The following GABRG3 variants were observed in gnomAD, a reference collection of about 807,000 sequenced individuals.
GABRG3 encodes gamma-aminobutyric acid type A receptor subunit gamma3.
Under a neutral mutation model 48.8 loss-of-function variants are expected in GABRG3, and 25 were observed. The observed-to-expected ratio is 0.51, with a 90% CI of 0.37 to 0.72. The LOEUF (loss-of-function observed/expected upper bound fraction) is 0.72. Among genes scored for constraint, GABRG3 ranks in the 30% least tolerant of loss-of-function variants. The pLI, the probability that GABRG3 is intolerant of heterozygous loss-of-function variation, is 0.00. For missense variants in GABRG3, 394 were observed against 577.9 expected (o/e 0.68, Z 3.26); for synonymous variants, 227 against 217.6 (o/e 1.04, Z -0.38).
chr15:27,373,118 A>T (rs994565844), intron 5 of GABRG3, among the ~76,000 whole-genome samples: 1 of 152,210 alleles, frequency 6.6e-6, no homozygotes, highest in African/African-American at 2.4e-5. Flanking sequence ...CTAGCCTGGG[A>T]TTTAGGATGC....
chr15:27,269,690 A>G (rs547515456), intron 3 of GABRG3, among the ~76,000 whole-genome samples: 5 of 152,320 alleles, frequency 3.3e-5, no homozygotes, highest in Admixed American at 6.5e-5. Flanking sequence ...TAGTCCTGAC[A>G]TTAATAGGTG....
At chr15:27,181,136 G>T (rs72700113) in intron 3 of GABRG3, among the ~76,000 whole-genome samples, 7,311 of 152,200 alleles carry the variant, frequency 0.048, 231 homozygotes, top group East Asian at 0.096. Context: ...AGGCACCTGT[G>T]GGGAGGAGCA....
rs186295680 is a variant in GABRG3 at position 27,289,036 on chromosome 15, G to A, written c.271-37773G>A. Among the ~76,000 whole-genome samples, 91 of 152,278 alleles carry A rather than the reference G, an allele frequency of 6.0e-4. 1 individual carries two copies. Among genetic ancestry groups the A allele is most frequent in the Admixed American group, 5.6e-3 (85 of 15,296 alleles). On this transcript the variant is annotated intron_variant, in intron 3 of 9. Transcript: ENST00000615808. ...AACTTTGAGGTGAAATCAGTATTCA[G>A]TGAAATCATTACTCCTCTGTATATA...
At chr15:27,187,205 T>G (rs1888126184) in intron 3 of GABRG3, among the ~76,000 whole-genome samples, 1 of 152,194 alleles carries the variant, frequency 6.6e-6, no homozygotes, top group Admixed American at 6.5e-5. Flanking sequence ...TGCTTTTTAT[T>G]GTTGGCTTTG....
chr15:27,396,078 G>C (rs1185820371), intron 5 of GABRG3, among the ~76,000 whole-genome samples: 1 of 152,082 alleles, frequency 6.6e-6, no homozygotes, highest in Non-Finnish European at 1.5e-5. Context: ...GCCCAGGCTG[G>C]TCTCGAACCC....
At chr15:27,248,913 G>A (rs934027887) in intron 3 of GABRG3, among the ~76,000 whole-genome samples, 8 of 151,938 alleles carry the variant, frequency 5.3e-5, no homozygotes, top group Non-Finnish European at 7.4e-5. Flanking sequence ...CATGAACGGG[G>A]GATTCTTTTA....
chr15:27,221,023 A>G (rs937921746), intron 3 of GABRG3, among the ~76,000 whole-genome samples: 8 of 151,796 alleles, frequency 5.3e-5, no homozygotes, highest in Non-Finnish European at 8.8e-5. Context: ...CTTTTATTCA[A>G]TAAATATTAT....
intron 3 of GABRG3, among the ~76,000 whole-genome samples, chr15:27,233,144 C>T (rs1035744982): frequency 4.6e-5 from 7 of 152,150 alleles, no homozygotes; most frequent in African/African-American, 1.7e-4. Context: ...AGAGCCTTGG[C>T]TCACTGGGGA....
At chr15:27,283,374 C>T (rs796675729) in intron 3 of GABRG3, among the ~76,000 whole-genome samples, 12 of 152,214 alleles carry the variant, frequency 7.9e-5, no homozygotes, top group South Asian at 2.1e-4. Flanking sequence ...GAGGCCGAGG[C>T]GGGTGGATCA....
At chr15:27,383,979 C>T (rs550018321) in intron 5 of GABRG3, among the ~76,000 whole-genome samples, 10 of 152,212 alleles carry the variant, frequency 6.6e-5, no homozygotes, top group East Asian at 1.9e-4. Flanking sequence ...ACTGTTCTTC[C>T]GGATTTCTTT....
chr15:27,343,452 T>A (rs1049926376), intron 5 of GABRG3, among the ~76,000 whole-genome samples: 1 of 152,228 alleles, frequency 6.6e-6, no homozygotes, highest in Non-Finnish European at 1.5e-5. Context: ...AAGTTGCTAT[T>A]TCCATGCACC....
intron 3 of GABRG3, among the ~76,000 whole-genome samples, chr15:27,248,395 G>C (rs1355392350): frequency 1.3e-5 from 2 of 152,130 alleles, no homozygotes; most frequent in Non-Finnish European, 2.9e-5. Context: ...GTCTGCCTCT[G>C]TTGACCTCTG....
Position 27,047,316 on chromosome 15 carries a change from C to A in GABRG3, c.270+20495C>A, listed in dbSNP as rs545101400. Among the ~76,000 whole-genome samples, 4 of 152,296 alleles carry A rather than the reference C, an allele frequency of 2.6e-5. No homozygotes were observed. The South Asian group carries it at 8.3e-4, about 32-fold the overall frequency. On this transcript the variant is annotated intron_variant, in intron 3 of 9. Coordinates refer to ENST00000615808, the MANE Select transcript of GABRG3 (RefSeq NM_033223.5). ...GGAAACATGTCACCCTCGCAGGTCT[C>A]ATAATTATCTGTAGAATCACTGAAT...
intron 5 of GABRG3, among the ~76,000 whole-genome samples, chr15:27,336,979 A>C (rs1893998754): frequency 6.6e-6 from 1 of 152,222 alleles, no homozygotes; most frequent in South Asian, 2.1e-4. Context: ...GCTAAGGTGG[A>C]GTTGTTAAGT....
chr15:27,200,752 A>G (rs1014006033), intron 3 of GABRG3, among the ~76,000 whole-genome samples: 4 of 152,176 alleles, frequency 2.6e-5, no homozygotes, highest in African/African-American at 7.2e-5. Context: ...TGATGTCTCA[A>G]TAACATTTTA....
chr15:27,229,385 A>G (rs1016434292), intron 3 of GABRG3, among the ~76,000 whole-genome samples: 9 of 152,016 alleles, frequency 5.9e-5, no homozygotes, highest in African/African-American at 2.2e-4. Flanking sequence ...ATCAGATGCT[A>G]TAGATGTGCA....
At chr15:27,477,534 G>T (rs993952293) in intron 5 of GABRG3, among the ~76,000 whole-genome samples, 3 of 152,108 alleles carry the variant, frequency 2.0e-5, no homozygotes, top group African/African-American at 7.2e-5. Flanking sequence ...CCCATAGAAC[G>T]TGCAACACCA....
Position 27,457,569 on chromosome 15 carries a change from G to A in GABRG3, c.575-23081G>A, listed in dbSNP as rs60009123. On this transcript the variant is annotated intron_variant, in intron 5 of 9. Transcript: ENST00000615808. The surrounding 1 kb of genome is among the most constrained non-coding windows in gnomAD (Gnocchi z 4.4). Reference sequence around the variant, plus strand: ...AGGACCTGCGATTAGATACGGACACGTTCCCTGCCCCGTATCTAAAGTGGC... The same window carrying A: ...AGGACCTGCGATTAGATACGGACACATTCCCTGCCCCGTATCTAAAGTGGC... Among the ~76,000 whole-genome samples the A allele has an allele frequency of 0.11, 16,143 of 152,132 alleles. 1,425 individuals are homozygous for A. The highest frequency in any genetic ancestry group is 0.24 in the African/African-American group (10,111 of 41,478).
At chr15:27,365,586 C>T (rs1035104460) in intron 5 of GABRG3, 5 of 152,186 alleles carry the variant, frequency 3.3e-5, no homozygotes, top group Admixed American at 6.5e-5. Flanking sequence ...GTTGGCAGTG[C>T]TTATGCCAGG....
Sources: gnomAD v4.1 joint callset for allele counts (sites outside exome capture counted in the v4.1 genomes callset) on GRCh38, gnomAD v4.1.1 for gene constraint, Gnocchi (gnomAD v3.1) non-coding constraint, MANE v1.5 for transcripts, NCBI Gene and HGNC (gene_info 2026-07-23, HGNC 2026-07-21) for gene names.